Variants in NRF1 observed in about 807,000 individuals in gnomAD.
NRF1 encodes alpha palindromic-binding protein.
Under a neutral mutation model 58.5 loss-of-function variants are expected in NRF1, and 5 were observed. The ratio of observed to expected loss-of-function variants is 0.09; its 90% CI spans 0.04 to 0.18. The LOEUF is 0.18. Among genes scored for constraint, NRF1 ranks in the 10% least tolerant of loss-of-function variants. The pLI is 1.00. For synonymous variants in NRF1, 224 were observed against 246.7 expected, an observed-to-expected ratio of 0.91 and a Z score of 0.86; for missense variants, 288 against 657.7, an observed-to-expected ratio of 0.44 and a Z score of 6.15.
intron 1 of NRF1, among the ~76,000 whole-genome samples, chr7:129,634,340 C>T (rs577800231): frequency 6.6e-6 from 1 of 152,186 alleles, no homozygotes; most frequent in South Asian, 2.1e-4. Context: ...TCTCCTGGTG[C>T]TCCTGTCTTC....
chr7:129,683,311 G>A (rs1335688331), intron 4 of NRF1, among the ~76,000 whole-genome samples: 2 of 144,944 alleles, frequency 1.4e-5, no homozygotes, highest in Admixed American at 1.4e-4. Flanking sequence ...GTGTGTGTGT[G>A]TGTGTGTGTG....
At chr7:129,717,179 G>A (rs756028484) in intron 8 of NRF1, 40 bp from the exon 9 acceptor site, 1 of 1,547,144 alleles carries the variant, frequency 6.5e-7, no homozygotes, top group East Asian at 2.3e-5. Context: ...TTGTACTTTT[G>A]TGGCTTTGTT....
At chr7:129,668,301 C>T (rs1562965104) in intron 2 of NRF1, among the ~76,000 whole-genome samples, 2 of 152,120 alleles carry the variant, frequency 1.3e-5, no homozygotes, top group East Asian at 3.8e-4. Context: ...TAGTTATGCT[C>T]TTATTTATTT....
At chr7:129,733,386 GAA>G (rs1336731704) in intron 10 of NRF1, among the ~76,000 whole-genome samples, 16 of 151,372 alleles carry the variant, frequency 1.1e-4, no homozygotes, top group Non-Finnish European at 2.1e-4. Flanking sequence ...AGAACGGCGT[GAA>G]CCTGGGAGGT....
chr7:129,712,894 A>C (rs1474967238), intron 8 of NRF1, among the ~76,000 whole-genome samples: 3 of 152,154 alleles, frequency 2.0e-5, no homozygotes, highest in Non-Finnish European at 4.4e-5. Flanking sequence ...GACACTCCTT[A>C]AAGTCTGAAA....
At chr7:129,634,037 A>ATAT (rs1256272432) in intron 1 of NRF1, among the ~76,000 whole-genome samples, 7 of 75,102 alleles carry the variant, frequency 9.3e-5, no homozygotes, top group African/African-American at 5.0e-4. Context: ...TTTAAAAAAA[A>ATAT]AAAAAGATAT....
chr7:129,667,713 A>G (rs1801953017), intron 2 of NRF1, among the ~76,000 whole-genome samples: 1 of 150,944 alleles, frequency 6.6e-6, no homozygotes, highest in Non-Finnish European at 1.5e-5. Context: ...TGTAGAAGTT[A>G]TAATTTTTTT....
chr7:129,669,927 T>C (rs747905703), intron 2 of NRF1, among the ~76,000 whole-genome samples: 1 of 152,170 alleles, frequency 6.6e-6, no homozygotes, highest in Non-Finnish European at 1.5e-5. Flanking sequence ...AATAGCAAGA[T>C]GTGAAAATAG....
rs564648107 is a variant in NRF1 at position 129,725,508 on chromosome 7, G to A, written c.1224-1733G>A. 7.9e-5 allele frequency among the ~76,000 whole-genome samples: 12 copies of A among 152,104 alleles called. No individual in the cohort carries two copies. In the East Asian group the frequency reaches 2.1e-3, roughly 27 times the overall value. On this transcript the variant is annotated intron_variant, in intron 9 of 10. Transcript: ENST00000393232. ...ACACCTGGCTAATTTTGTATTTTTA[G>A]TAAAGACGGGGTTTCTCCATGTTGG... is the stretch of plus-strand genomic sequence containing the variant.
chr7:129,744,929 A>C (rs890675113), intron 10 of NRF1, among the ~76,000 whole-genome samples: 1 of 151,736 alleles, frequency 6.6e-6, no homozygotes, highest in Non-Finnish European at 1.5e-5. Flanking sequence ...ACTGGATGAC[A>C]GGCACATGGG....
At chr7:129,751,597 C>T (rs1387164976) in intron 10 of NRF1, among the ~76,000 whole-genome samples, 1 of 152,248 alleles carries the variant, frequency 6.6e-6, no homozygotes, top group Admixed American at 6.5e-5. Flanking sequence ...CCAGCCCTAA[C>T]CCAGATGGTT....
chr7:129,672,175 G>T (rs2151083615), intron 3 of NRF1, among the ~76,000 whole-genome samples: 1 of 148,438 alleles, frequency 6.7e-6, no homozygotes, highest in South Asian at 2.2e-4. Flanking sequence ...GTTCAGAGCA[G>T]TAGAGAAGAG....
At chr7:129,720,803 C>G (rs190438625) in intron 9 of NRF1, among the ~76,000 whole-genome samples, 212 of 152,196 alleles carry the variant, frequency 1.4e-3, no homozygotes, top group African/African-American at 5.0e-3. Context: ...TTTAGCCCAC[C>G]CTGGCTTTCT....
At chr7:129,738,861 C>A (rs1474843076) in intron 10 of NRF1, among the ~76,000 whole-genome samples, 1 of 152,206 alleles carries the variant, frequency 6.6e-6, no homozygotes, top group African/African-American at 2.4e-5. Flanking sequence ...AGTACTCTTT[C>A]TACTGCCCAA....
chr7:129,663,412 C>T (rs560186144), intron 2 of NRF1, among the ~76,000 whole-genome samples: 47 of 146,492 alleles, frequency 3.2e-4, no homozygotes, highest in Non-Finnish European at 5.4e-4. Flanking sequence ...ACCTCCCAGA[C>T]GGGGTGGCGG....
chr7:129,637,427 T>G (rs1166877969), intron 1 of NRF1, among the ~76,000 whole-genome samples: 1 of 152,164 alleles, frequency 6.6e-6, no homozygotes, highest in Non-Finnish European at 1.5e-5. Context: ...TTATGCTGTT[T>G]GTCTTTTCTT....
intron 1 of NRF1, among the ~76,000 whole-genome samples, chr7:129,620,388 CT>C (rs10714338): frequency 0.37 from 49,521 of 132,342 alleles, 8,795 homozygotes; most frequent in East Asian, 0.62. Flanking sequence ...AATCAAATCA[CT>C]TTTTTTTTTT....
intron 10 of NRF1, among the ~76,000 whole-genome samples, chr7:129,733,189 C>T (rs907501900): frequency 2.0e-5 from 3 of 152,234 alleles, no homozygotes; most frequent in East Asian, 1.9e-4. Context: ...TAAAACCTGC[C>T]GTGTGCGGTG....
chr7:129,629,565 G>A (rs536748689), intron 1 of NRF1, among the ~76,000 whole-genome samples: 30 of 151,194 alleles, frequency 2.0e-4, no homozygotes, highest in Admixed American at 5.3e-4. Flanking sequence ...GTGAGCCACT[G>A]CACCCGGCCC....
Sources: allele counts gnomAD v4.1 joint callset (sites outside exome capture counted in the v4.1 genomes callset), GRCh38; gene constraint gnomAD v4.1.1; transcripts MANE v1.5; gene names NCBI Gene and HGNC (gene_info 2026-07-23, HGNC 2026-07-21).